DMRT1: variants seen among roughly 807,000 people sequenced by gnomAD.
DMRT1 encodes the protein doublesex- and mab-3-related transcription factor 1.
Under a neutral mutation model 32.3 loss-of-function variants are expected in DMRT1, and 7 were observed. That is an observed-to-expected ratio of 0.22 (90% CI 0.12 to 0.41). The LOEUF is 0.41. Among genes scored for constraint, DMRT1 ranks in the 10% least tolerant of loss-of-function variants. The pLI, the probability that DMRT1 is intolerant of heterozygous loss-of-function variation, is 1.00. For missense variants in DMRT1, 625 were observed against 500.5 expected, an observed-to-expected ratio of 1.25 and a Z score of -2.37; for synonymous variants, 278 against 206.1, an observed-to-expected ratio of 1.35 and a Z score of -2.99.
intron 4 of DMRT1, among the ~76,000 whole-genome samples, chr9:925,894 G>A (rs1818508025): frequency 6.6e-6 from 1 of 152,176 alleles, no homozygotes; most frequent in African/African-American, 2.4e-5. Flanking sequence ...GTTTATCCAA[G>A]GCCTCACTGG....
At chr9:884,665 C>A (rs969070609) in intron 2 of DMRT1, among the ~76,000 whole-genome samples, 3 of 152,130 alleles carry the variant, frequency 2.0e-5, no homozygotes, top group African/African-American at 7.2e-5. Context: ...GGAGTATATA[C>A]CAATGGTAAC....
rs1322336935 is a variant in DMRT1 at position 947,407 on chromosome 9, G to A, written c.968-20578G>A. Among the ~76,000 whole-genome samples the A allele has an allele frequency of 2.6e-5, 4 of 152,196 alleles. No individual in the cohort carries two copies. In the South Asian group the frequency reaches 6.2e-4, roughly 24 times the overall value. On this transcript the variant is annotated intron_variant, in intron 4 of 4. Coordinates refer to ENST00000382276, the MANE Select transcript of DMRT1 (RefSeq NM_021951.3). ...TCCATTATTGACAGAAAATGTTAAT[G>A]TGTCTATTAAGGAAGGAAAGCTCGT...
chr9:961,728 T>C (rs757461392), intron 4 of DMRT1, among the ~76,000 whole-genome samples: 1 of 152,238 alleles, frequency 6.6e-6, no homozygotes, highest in Non-Finnish European at 1.5e-5. Flanking sequence ...TGGCCTGGAA[T>C]AAACAGACCT....
chr9:885,775 A>G lies in DMRT1; in HGVS notation c.539-8137A>G, dbSNP rs993242084. 3.9e-5 allele frequency among the ~76,000 whole-genome samples: 6 copies of G among 152,176 alleles called. No individual in the cohort carries two copies. The South Asian group carries it at 6.2e-4, about 16-fold the overall frequency. On this transcript the variant is annotated intron_variant, in intron 2 of 4. Coordinates refer to ENST00000382276, the MANE Select transcript of DMRT1 (RefSeq NM_021951.3). ...CAGGCTTCTGCAGTGGAGCCTTCGC[A>G]AGGGACCACGCCCACCTCTACCCAG...
chr9:879,086 C>A (rs889446563), intron 2 of DMRT1, among the ~76,000 whole-genome samples: 1 of 152,176 alleles, frequency 6.6e-6, no homozygotes, highest in African/African-American at 2.4e-5. Context: ...ACTAATAACA[C>A]AACCCTGAGA....
intron 3 of DMRT1, among the ~76,000 whole-genome samples, chr9:895,349 A>G (rs1817313320): frequency 6.6e-6 from 1 of 152,184 alleles, no homozygotes; most frequent in Non-Finnish European, 1.5e-5. Flanking sequence ...GTGAAAAGTT[A>G]GACTCAACAC....
chr9:958,241 C>T (rs776717775), intron 4 of DMRT1, among the ~76,000 whole-genome samples: 12 of 152,114 alleles, frequency 7.9e-5, no homozygotes, highest in Non-Finnish European at 1.2e-4. Context: ...AATCCTCTAC[C>T]GTGCTACTAG....
At chr9:897,592 CAA>C (rs74310825) in intron 3 of DMRT1, among the ~76,000 whole-genome samples, 1 of 126,128 alleles carries the variant, frequency 7.9e-6, no homozygotes. Context: ...ACACTGTCTC[CAA>C]AAAAAAAAAA....
chr9:964,901 A>G (rs1819885558), intron 4 of DMRT1, among the ~76,000 whole-genome samples: 1 of 152,228 alleles, frequency 6.6e-6, no homozygotes, highest in Non-Finnish European at 1.5e-5. Context: ...AGTGCCACTG[A>G]CGCTAGGAGT....
intron 4 of DMRT1, among the ~76,000 whole-genome samples, chr9:943,047 G>T: frequency 6.7e-6 from 1 of 150,012 alleles, no homozygotes; most frequent in African/African-American, 2.5e-5. Context: ...GTCTTAGTTT[G>T]GGTTTCACAT....
rs1213137299 is a variant in DMRT1 at position 848,566 on chromosome 9, T to G, written c.538+1423T>G. On this transcript the variant is annotated intron_variant, in intron 2 of 4. Coordinates refer to ENST00000382276, the MANE Select transcript of DMRT1 (RefSeq NM_021951.3). ...TTGTTTCCTTTCTTTTTTTTTTTTT[T>G]TTTTTGAGATGGAGTCTCACTCTGT... is the stretch of plus-strand genomic sequence containing the variant. Among the ~76,000 whole-genome samples, 9 of 148,016 alleles carry G rather than the reference T, an allele frequency of 6.1e-5. No individual in the cohort carries two copies. The South Asian group carries it at 1.3e-3, about 22-fold the overall frequency.
chr9:864,347 G>T (rs1030737386), intron 2 of DMRT1, among the ~76,000 whole-genome samples: 4 of 151,478 alleles, frequency 2.6e-5, no homozygotes, highest in African/African-American at 9.7e-5. Context: ...GGGATTAAAG[G>T]TGTCTGCCAC....
chr9:911,322 T>A (rs1817967653), intron 3 of DMRT1, among the ~76,000 whole-genome samples: 1 of 152,082 alleles, frequency 6.6e-6, no homozygotes, highest in African/African-American at 2.4e-5. Flanking sequence ...TGGTTTAAAG[T>A]AAAGTGAGTT....
At chr9:948,136 G>A (rs1388752868) in intron 4 of DMRT1, among the ~76,000 whole-genome samples, 2 of 152,216 alleles carry the variant, frequency 1.3e-5, no homozygotes, top group Admixed American at 1.3e-4. Context: ...TGGGCCTCCT[G>A]TGCTGCTGCT....
At chr9:895,885 A>T (rs1438936976) in intron 3 of DMRT1, among the ~76,000 whole-genome samples, 1 of 149,590 alleles carries the variant, frequency 6.7e-6, no homozygotes, top group Non-Finnish European at 1.5e-5. Context: ...GCTCACTGCA[A>T]CCTCTGCCTC....
chr9:922,234 ACC>A (rs1479058823), intron 4 of DMRT1, among the ~76,000 whole-genome samples: 1 of 152,022 alleles, frequency 6.6e-6, no homozygotes, highest in Non-Finnish European at 1.5e-5. Flanking sequence ...TTGCCAAAGT[ACC>A]AGACCACGGT....
chr9:957,515 C>T (rs990089274), intron 4 of DMRT1, among the ~76,000 whole-genome samples: 1 of 152,158 alleles, frequency 6.6e-6, no homozygotes, highest in South Asian at 2.1e-4. Flanking sequence ...AAACAGTGTG[C>T]ACTTGGTTCT....
At chr9:893,605 T>G (rs899735628) in intron 2 of DMRT1, among the ~76,000 whole-genome samples, 1 of 152,258 alleles carries the variant, frequency 6.6e-6, no homozygotes, top group African/African-American at 2.4e-5. Flanking sequence ...TTCAGTTTCT[T>G]GACATTAGGA....
At chr9:901,592 G>T (rs543256253) in intron 3 of DMRT1, among the ~76,000 whole-genome samples, 1 of 152,100 alleles carries the variant, frequency 6.6e-6, no homozygotes, top group Non-Finnish European at 1.5e-5. Flanking sequence ...CTCCCAAAGT[G>T]CTGGGATTAT....
Sources: allele counts gnomAD v4.1 joint callset (sites outside exome capture counted in the v4.1 genomes callset), GRCh38; gene constraint gnomAD v4.1.1; transcripts MANE v1.5; gene names NCBI Gene and HGNC (gene_info 2026-07-23, HGNC 2026-07-21).